The following NCALD variants were observed in gnomAD, a reference collection of about 807,000 sequenced individuals.
NCALD encodes neurocalcin-delta.
A neutral mutation model predicts 18.6 loss-of-function variants in NCALD; 10 were observed. That is an observed-to-expected ratio of 0.54 (90% CI 0.33 to 0.91). NCALD has a LOEUF of 0.91. NCALD is among the 40% of genes least tolerant of loss of function. The pLI, the probability that NCALD is intolerant of heterozygous loss-of-function variation, is 0.03. For synonymous variants in NCALD, 88 were observed against 87.4 expected (o/e 1.01, Z -0.04); for missense variants, 184 against 247.6 (o/e 0.74, Z 1.72).
At chr8:101,776,285 A>G (rs542625474) in intron 1 of NCALD, among the ~76,000 whole-genome samples, 138 of 152,034 alleles carry the variant, frequency 9.1e-4, no homozygotes, top group Non-Finnish European at 1.1e-3. Context: ...CCTTAACTCC[A>G]ATTTCAGGAA....
intron 1 of NCALD, among the ~76,000 whole-genome samples, chr8:101,761,135 G>C (rs1475240726): frequency 6.6e-6 from 1 of 152,102 alleles, no homozygotes; most frequent in Non-Finnish European, 1.5e-5. Flanking sequence ...ACTGCTACCT[G>C]GGGGAGGGGC....
At chr8:102,000,453 G>T (rs767418243) in intron 2 of NCALD, among the ~76,000 whole-genome samples, 26 of 152,214 alleles carry the variant, frequency 1.7e-4, no homozygotes, top group Non-Finnish European at 2.9e-4. Context: ...ACTTCTGGGG[G>T]TGGGGCATAG....
intron 1 of NCALD, among the ~76,000 whole-genome samples, chr8:102,116,544 G>A (rs1429695144): frequency 6.6e-6 from 1 of 152,154 alleles, no homozygotes; most frequent in African/African-American, 2.4e-5. Context: ...GTGCAGTGGG[G>A]TCAACATGGC....
chr8:102,025,320 C>A (rs759557963), intron 1 of NCALD, among the ~76,000 whole-genome samples: 5 of 152,208 alleles, frequency 3.3e-5, no homozygotes, highest in African/African-American at 4.8e-5. Flanking sequence ...ACATGCTCTG[C>A]AGTTCACTAT....
chr8:101,995,432 G>A (rs1228560519), intron 2 of NCALD, among the ~76,000 whole-genome samples: 1 of 152,164 alleles, frequency 6.6e-6, no homozygotes, highest in Non-Finnish European at 1.5e-5. Context: ...TTGGCTCACG[G>A]TTCTGCAGGC....
At chr8:101,829,941 A>G (rs903038355) in intron 4 of NCALD, among the ~76,000 whole-genome samples, 1 of 147,488 alleles carries the variant, frequency 6.8e-6, no homozygotes, top group African/African-American at 2.5e-5. Flanking sequence ...CATTTTTAAT[A>G]GCATCAGGAA....
chr8:102,070,379 A>T (rs1038929473), intron 1 of NCALD, among the ~76,000 whole-genome samples: 70 of 152,334 alleles, frequency 4.6e-4, no homozygotes, highest in Non-Finnish European at 1.9e-4. Context: ...ATCCAAATTT[A>T]CAAGAGTATT....
At chr8:101,708,575 G>T (rs891581598) in intron 2 of NCALD, among the ~76,000 whole-genome samples, 2 of 152,230 alleles carry the variant, frequency 1.3e-5, no homozygotes. Flanking sequence ...TGCAGGTGCT[G>T]TTCTAGGCAC....
rs1336971400 is a variant in NCALD at position 101,688,064 on chromosome 8, AC to A, written c.*1244del. The A allele has an allele frequency of 6.6e-6, 1 of 152,324 alleles. No individual in the cohort carries two copies. Among genetic ancestry groups the A allele is most frequent in the East Asian group, 1.9e-4 (1 of 5,194 alleles). 9.4% of individuals were successfully genotyped at this position (152,324 alleles called of 1,614,324 possible). Reference sequence around the variant, plus strand: ...TCCAGACCTGGCTCCCTAACCATGCACATAGATTAAACCACTGGGAAGTTCC... The same window carrying A: ...TCCAGACCTGGCTCCCTAACCATGCAATAGATTAAACCACTGGGAAGTTCC... On this transcript the variant is annotated 3_prime_UTR_variant, in exon 4 of 4. Transcript: ENST00000220931.
intron 1 of NCALD, among the ~76,000 whole-genome samples, chr8:102,057,708 A>C (rs948315116): frequency 6.6e-6 from 1 of 151,986 alleles, no homozygotes; most frequent in Non-Finnish European, 1.5e-5. Context: ...TTAATTCCAC[A>C]CTCTCCACAT....
At chr8:101,821,972 T>A (rs929187801) in intron 4 of NCALD, among the ~76,000 whole-genome samples, 5 of 150,856 alleles carry the variant, frequency 3.3e-5, no homozygotes, top group Non-Finnish European at 7.4e-5. Context: ...TAGACAGAGG[T>A]CTCCTGGCTG....
chr8:101,716,274 A>C (rs1816076009), intron 2 of NCALD, among the ~76,000 whole-genome samples: 1 of 152,020 alleles, frequency 6.6e-6, no homozygotes, highest in Non-Finnish European at 1.5e-5. Flanking sequence ...AACAATGAGA[A>C]TATATGGGCA....
chr8:102,119,248 G>A (rs1825876945), intron 1 of NCALD, among the ~76,000 whole-genome samples: 1 of 152,188 alleles, frequency 6.6e-6, no homozygotes, highest in Non-Finnish European at 1.5e-5. Context: ...CCTTAAAAAG[G>A]AAAGAAATTC....
intron 1 of NCALD, among the ~76,000 whole-genome samples, chr8:102,113,133 T>G (rs1209454703): frequency 1.3e-5 from 2 of 152,180 alleles, no homozygotes; most frequent in East Asian, 3.8e-4. Flanking sequence ...AGGAAAGGTA[T>G]AGACAGACCT....
chr8:102,078,046 C>T (rs1030974948), intron 1 of NCALD, among the ~76,000 whole-genome samples: 2 of 152,178 alleles, frequency 1.3e-5, no homozygotes, highest in African/African-American at 2.4e-5. Flanking sequence ...CAAAACTTAA[C>T]GTGTCCAAAA....
chr8:101,934,501 A>C (rs1349878014), intron 2 of NCALD, among the ~76,000 whole-genome samples: 1 of 152,164 alleles, frequency 6.6e-6, no homozygotes, highest in Non-Finnish European at 1.5e-5. Context: ...AGAAGAAAAG[A>C]GACCCATAAA....
intron 1 of NCALD, among the ~76,000 whole-genome samples, chr8:101,761,930 CA>C (rs1414509087): frequency 7.9e-5 from 12 of 152,162 alleles, no homozygotes; most frequent in Non-Finnish European, 1.5e-5. Flanking sequence ...GAGTATAATC[CA>C]AATTCCACTA....
chr8:102,044,323 A>C (rs1353863414), intron 1 of NCALD, among the ~76,000 whole-genome samples: 3 of 151,962 alleles, frequency 2.0e-5, no homozygotes, highest in African/African-American at 7.3e-5. Flanking sequence ...GGACACACGG[A>C]AATGGGTTTA....
intron 2 of NCALD, among the ~76,000 whole-genome samples, chr8:101,953,121 G>T (rs888181274): frequency 6.6e-6 from 1 of 152,070 alleles, no homozygotes; most frequent in African/African-American, 2.4e-5. Flanking sequence ...TAGCTGTCAG[G>T]ACAATCACAT....
Sources: allele counts gnomAD v4.1 joint callset (sites outside exome capture counted in the v4.1 genomes callset), GRCh38; gene constraint gnomAD v4.1.1; transcripts MANE v1.5; gene names NCBI Gene and HGNC (gene_info 2026-07-23, HGNC 2026-07-21).